Variants in ADGRL3 observed in about 807,000 individuals in gnomAD.
ADGRL3 encodes adhesion G protein-coupled receptor L3, also known as calcium-independent alpha-latrotoxin receptor 3.
A neutral mutation model predicts 153.5 loss-of-function variants in ADGRL3; 62 were observed. That is an observed-to-expected ratio of 0.40 (90% CI 0.33 to 0.50). ADGRL3 has a LOEUF of 0.50. Ranked by LOEUF, ADGRL3 falls within the 20% of genes least tolerant of loss-of-function variation. The pLI is 0.47. For synonymous variants in ADGRL3, 710 were observed against 672.5 expected (o/e 1.06, Z -0.86); for missense variants, 1,641 against 1,859.4 (o/e 0.88, Z 2.16).
At chr4:61,419,317 A>C (rs571101593) in intron 2 of ADGRL3, among the ~76,000 whole-genome samples, 1 of 151,082 alleles carries the variant, frequency 6.6e-6, no homozygotes, top group Non-Finnish European at 1.5e-5. Context: ...ACATTGAAAT[A>C]AATGTGAGCT....
intron 4 of ADGRL3, among the ~76,000 whole-genome samples, chr4:61,520,240 A>G (rs959861042): frequency 6.6e-6 from 1 of 152,136 alleles, no homozygotes; most frequent in Admixed American, 6.6e-5. Flanking sequence ...TAATGACTAG[A>G]TATCAAGGCT....
Position 62,070,207 on chromosome 4 carries a change from C to A in ADGRL3, c.3931C>A (p.Leu1311Met), listed in dbSNP as rs748142705. ...NSYSIASGEY[L>M]SNCVQIIDRG... Reference sequence around the variant, plus strand: ...TTACAGCATTGCCAGCGGCGAATACCTGAGCAACTGTGTGCAAATCATAGA... The same window carrying A: ...TTACAGCATTGCCAGCGGCGAATACATGAGCAACTGTGTGCAAATCATAGA... The change falls in exon 27 of 27, where the codon CTG becomes ATG. Residue 1311 changes from leucine (L) to methionine (M), a missense_variant. Leu to Met is a conservative substitution (Grantham distance 15). Around this residue, in one of 5 missense-constraint regions of ADGRL3, gnomAD observed 517 missense variants for 555.0 expected, o/e 0.93. Coordinates refer to ENST00000683033, the MANE Select transcript of ADGRL3 (RefSeq NM_001387552.1). The A allele has an allele frequency of 1.9e-6, 3 of 1,613,820 alleles. No homozygotes were observed. The African/African-American group carries it at 4.0e-5, about 22-fold the overall frequency.
chr4:61,353,797 C>T (rs182394233), intron 1 of ADGRL3, among the ~76,000 whole-genome samples: 3 of 93,714 alleles, frequency 3.2e-5, no homozygotes, highest in Non-Finnish European at 6.4e-5. Flanking sequence ...ATAGATGAAC[C>T]AAACAGGGAA....
chr4:61,443,504 T>G (rs926309330), intron 2 of ADGRL3, among the ~76,000 whole-genome samples: 21 of 152,158 alleles, frequency 1.4e-4, no homozygotes, highest in Admixed American at 2.0e-4. Context: ...AAAGAACCCA[T>G]AAAAATATTC....
intron 13 of ADGRL3, among the ~76,000 whole-genome samples, chr4:61,925,683 G>A (rs777373660): frequency 7.2e-5 from 11 of 152,046 alleles, no homozygotes; most frequent in South Asian, 2.1e-4. Flanking sequence ...ACCAGATCTC[G>A]CAAGAACTCA....
intron 2 of ADGRL3, among the ~76,000 whole-genome samples, chr4:61,456,471 C>A (rs1435071299): frequency 3.3e-4 from 37 of 110,524 alleles, no homozygotes; most frequent in African/African-American, 8.5e-4. Flanking sequence ...ATAGATATAT[C>A]TATATCTATA....
chr4:61,607,876 A>G (rs2099038747), intron 5 of ADGRL3, among the ~76,000 whole-genome samples: 1 of 152,144 alleles, frequency 6.6e-6, no homozygotes, highest in African/African-American at 2.4e-5. Flanking sequence ...ACTGTAAACT[A>G]AATTCCTCCT....
chr4:61,413,837 A>G (rs922792244), intron 2 of ADGRL3, among the ~76,000 whole-genome samples: 1 of 152,202 alleles, frequency 6.6e-6, no homozygotes, highest in Non-Finnish European at 1.5e-5. Flanking sequence ...ACATTGTTCC[A>G]TGAGTCTGAG....
chr4:61,432,831 T>G lies in ADGRL3; in HGVS notation c.-174+49642T>G, dbSNP rs141641977. Among the ~76,000 whole-genome samples the G allele has an allele frequency of 9.0e-3, 1,365 of 151,802 alleles. 20 individuals are homozygous for G. The highest frequency in any genetic ancestry group is 0.031 in the African/African-American group (1,293 of 41,392). On this transcript the variant is annotated intron_variant, in intron 2 of 26. Coordinates refer to ENST00000683033, the MANE Select transcript of ADGRL3 (RefSeq NM_001387552.1). The stretch of plus-strand genomic sequence containing the variant: ...ACCACGCCTGGCTAATTTTGTATTT[T>G]TAGTACAGATGGGGTTTCTCCATGT...
intron 22 of ADGRL3, among the ~76,000 whole-genome samples, chr4:62,031,158 C>T (rs891062039): frequency 6.6e-6 from 1 of 151,548 alleles, no homozygotes; most frequent in African/African-American, 2.4e-5. Flanking sequence ...ACACCTCATG[C>T]CATTTGCATA....
chr4:61,750,685 G>A (rs1400100996), intron 8 of ADGRL3, among the ~76,000 whole-genome samples: 16 of 150,612 alleles, frequency 1.1e-4, no homozygotes, highest in African/African-American at 4.0e-4. Flanking sequence ...AGCTACTTGG[G>A]AGGCTGAGGC....
At chr4:61,910,253 C>T (rs964482127) in intron 12 of ADGRL3, among the ~76,000 whole-genome samples, 16 of 151,770 alleles carry the variant, frequency 1.1e-4, no homozygotes, top group African/African-American at 3.9e-4. Flanking sequence ...TTTAAAAAAT[C>T]TCATAAGGCA....
At chr4:61,753,773 C>A (rs1447028247) in intron 8 of ADGRL3, among the ~76,000 whole-genome samples, 1 of 152,058 alleles carries the variant, frequency 6.6e-6, no homozygotes, top group African/African-American at 2.4e-5. Context: ...AAAATAAGTC[C>A]AACCCCATTA....
chr4:61,879,529 T>C (rs969879194), intron 9 of ADGRL3, among the ~76,000 whole-genome samples: 1 of 152,140 alleles, frequency 6.6e-6, no homozygotes, highest in Non-Finnish European at 1.5e-5. Flanking sequence ...TGGTCAGGTG[T>C]GGAATTTTTC....
At chr4:61,978,061 A>G (rs1417692848) in intron 17 of ADGRL3, among the ~76,000 whole-genome samples, 3 of 152,168 alleles carry the variant, frequency 2.0e-5, no homozygotes, top group African/African-American at 7.2e-5. Flanking sequence ...GAAAACGTGA[A>G]TATTTATATA....
intron 4 of ADGRL3, among the ~76,000 whole-genome samples, chr4:61,575,954 G>A (rs1369711709): frequency 6.6e-6 from 1 of 151,956 alleles, no homozygotes; most frequent in African/African-American, 2.4e-5. Context: ...TTGTGGTTGA[G>A]CTGAACAAAT....
chr4:61,586,996 G>C lies in ADGRL3; in HGVS notation c.260-231G>C, dbSNP rs117411468. Among the ~76,000 whole-genome samples the C allele has an allele frequency of 8.4e-3, 1,276 of 151,718 alleles. 39 individuals carry two copies. Among genetic ancestry groups the C allele is most frequent in the Admixed American group, 0.045 (684 of 15,236 alleles). On this transcript the variant is annotated intron_variant, in intron 4 of 26. Transcript: ENST00000683033. ...CGACAGTGCCTTTTTTCATTTATAAGAAAAAAAGTGTGATAAAGATTTTAA... is the reference window on the plus strand; with the variant it reads ...CGACAGTGCCTTTTTTCATTTATAACAAAAAAAGTGTGATAAAGATTTTAA...
At chr4:61,237,816 G>A (rs1463560095) in intron 1 of ADGRL3, among the ~76,000 whole-genome samples, 1 of 152,146 alleles carries the variant, frequency 6.6e-6, no homozygotes, top group Non-Finnish European at 1.5e-5. Flanking sequence ...TTAGGAGCCA[G>A]GTGATATTGT....
chr4:61,668,752 C>G (rs1270234636), intron 5 of ADGRL3, among the ~76,000 whole-genome samples: 1 of 152,122 alleles, frequency 6.6e-6, no homozygotes, highest in African/African-American at 2.4e-5. Context: ...GGCACAGTGG[C>G]TCACGCTTGT....
Sources: allele counts gnomAD v4.1 joint callset (sites outside exome capture counted in the v4.1 genomes callset), GRCh38; gene constraint gnomAD v4.1.1; regional missense constraint gnomAD v4.1.1; transcripts MANE v1.5; gene names NCBI Gene and HGNC (gene_info 2026-07-23, HGNC 2026-07-21).